The following NOX5 variants were observed in gnomAD, a reference collection of about 807,000 sequenced individuals.
NOX5 encodes NADPH oxidase 5.
Under a neutral mutation model 85.7 loss-of-function variants are expected in NOX5, and 76 were observed. The observed-to-expected ratio is 0.89, with a 90% confidence interval of 0.74 to 1.07. The LOEUF is 1.07. Among genes scored for constraint, NOX5 ranks in the 50% least tolerant of loss-of-function variants. The probability of loss-of-function intolerance (pLI) is 0.00; values close to 1 mark genes in which losing one functional copy is unlikely to be tolerated. For missense variants in NOX5, 973 were observed against 999.5 expected, an observed-to-expected ratio of 0.97 and a Z score of 0.36; for synonymous variants, 405 against 401.4, an observed-to-expected ratio of 1.01 and a Z score of -0.11.
At chr15:69,014,861 C>A in intron 1 of NOX5, 76 bp downstream of exon 1, 1 of 1,068,314 alleles carries the variant, frequency 9.4e-7, no homozygotes, top group Non-Finnish European at 1.4e-6. Context: ...GTGGGATCTA[C>A]AAAAGGTAAC....
intron 2 of NOX5, 54 bp downstream of exon 2, chr15:69,026,705 C>T: frequency 1.2e-6 from 2 of 1,610,960 alleles, no homozygotes; most frequent in Admixed American, 3.3e-5. Context: ...TGGCCTGGTT[C>T]TCAGGGCATA....
Position 69,047,883 on chromosome 15 carries a change from G to T in NOX5, c.1871G>T (p.Gly624Val). The change falls in exon 13 of 16, where the codon GGT (glycine) becomes GTT (valine). Residue 624 changes from glycine to valine, a missense_variant. By Grantham distance (109) the Gly-to-Val change is moderately radical (BLOSUM62 -3). Transcript: ENST00000388866. ...CPSCQHSWIE[G>V]VQDNMKLHKV... ...AGCTGCCAGCACTCCTGGATCGAAG[G>T]TGTCCAAGACAACATGAAGCTCCAT... 6.2e-7 allele frequency: 1 copy of T among 1,614,146 alleles called. No individual in the cohort carries two copies.
chr15:69,038,509 C>T (rs1000626477), intron 8 of NOX5: 33 of 352,664 alleles, frequency 9.4e-5, no homozygotes, highest in African/African-American at 6.7e-4. Flanking sequence ...GCTAGCCACA[C>T]TCTGGCTGAA....
At chr15:69,047,080 T>A in intron 11 of NOX5, 1 of 597,238 alleles carries the variant, frequency 1.7e-6, no homozygotes, top group Non-Finnish European at 3.0e-6. Context: ...GCCTGTCTCT[T>A]CACCAGGAGC....
intron 6 of NOX5, 52 bp downstream of exon 6, chr15:69,035,559 G>T (rs750067279): frequency 5.0e-6 from 8 of 1,601,974 alleles, no homozygotes; most frequent in Non-Finnish European, 6.0e-6. Context: ...GCAGCCTCAA[G>T]CCCAGAATGC....
At chr15:69,045,828 G>A (rs2140275137) in intron 10 of NOX5, 1 of 152,252 alleles carries the variant, frequency 6.6e-6, no homozygotes, top group African/African-American at 2.4e-5. Flanking sequence ...AAAATTAAAA[G>A]GAGAAGAGCT....
chr15:69,033,071 C>T lies in NOX5; in HGVS notation c.649C>T (p.Pro217Ser), dbSNP rs2050460464. ...SAAHWLTAPA[P>S]RPRPRRPRQL... ...TGCCCACTGGCTGACGGCCCCCGCC[C>T]CCCGCCCACGCCCGCGCCGGCCGCG... is the stretch of plus-strand genomic sequence containing the variant. The change falls in exon 5 of 16, where the codon CCC (proline) becomes TCC (serine). Residue 217 changes from proline to serine, a missense_variant. Transcript: ENST00000388866. 2 of 1,558,402 alleles carry T rather than the reference C, an allele frequency of 1.3e-6. No individual in the cohort carries two copies. The highest frequency in any genetic ancestry group is 1.7e-6 in the Non-Finnish European group (2 of 1,164,902).
rs1285022319 is a variant in NOX5, at chr15:69,061,630, AG to A, written c.*4939del. 6.6e-6 allele frequency: 1 copy of A among 152,244 alleles called. No homozygotes were observed. The highest frequency in any genetic ancestry group is 1.5e-5 in the Non-Finnish European group (1 of 68,042). The allele number at this position is 152,244 out of a possible 1,614,324, so 9.4% of individuals were successfully genotyped here. A position where few individuals can be genotyped will look rare whatever the true frequency, so the allele number is the denominator to read the frequency against. ...TTTATTTTATGAGGAAATTCATCCC[AG>A]GGGGAAAAATACTCAACCTGAATGG... On this transcript the variant is annotated 3_prime_UTR_variant, in exon 16 of 16. Transcript: ENST00000388866.
rs980322880 is a variant in NOX5, at chr15:69,026,740, C to T, written c.174+89C>T. 34 of 1,577,274 alleles carry T rather than the reference C, an allele frequency of 2.2e-5. No homozygotes were observed. In the Admixed American group the frequency reaches 3.1e-4, roughly 14 times the overall value. ...AGCCCTTACAGGGAGGGAAAGGGAA[C>T]TCCCTGGGGTTCCTGAGGTCTCCAC... On this transcript the variant is annotated intron_variant, in intron 2 of 15. Coordinates refer to ENST00000388866, the MANE Select transcript of NOX5 (RefSeq NM_024505.4).
rs2050461236 is a variant in NOX5, at chr15:69,033,087, GC to G, written c.667del (p.Arg223GlyfsTer5). ...LTAPAPRPRP[R>X]RPRQLTRAYW... ...GCCCCCGCCCCCCGCCCACGCCCGC[GC>G]CGGCCGCGCCAGCTGACCCGCGCCT... On this transcript the variant is annotated frameshift_variant, in exon 5 of 16. Coordinates refer to ENST00000388866, the MANE Select transcript of NOX5 (RefSeq NM_024505.4). LOFTEE classifies it high-confidence loss of function. 1 of 1,550,198 alleles carries G rather than the reference GC, an allele frequency of 6.5e-7. No individual in the cohort carries two copies. Among genetic ancestry groups the G allele is most frequent in the Non-Finnish European group, 8.6e-7 (1 of 1,156,898 alleles).
Position 69,031,579 on chromosome 15 carries a change from G to C in NOX5, c.387G>C (p.Trp129Cys). Reference protein sequence around the residue: ...TEWGAGAGPHWASSPLGTGSG... With the variant: ...TEWGAGAGPHCASSPLGTGSG... ...GGGGTGCTGGGGCAGGCCCGCACTGGGCTTCATCCCCACTCGGGACAGGCA... is the reference window on the plus strand; with the variant it reads ...GGGGTGCTGGGGCAGGCCCGCACTGCGCTTCATCCCCACTCGGGACAGGCA... Residue 129 changes from tryptophan (W) to cysteine (C), a missense_variant, in exon 4 of 16, where the codon TGG becomes TGC. By Grantham distance (215) the Trp-to-Cys change is radical (BLOSUM62 -2). Coordinates refer to ENST00000388866, the MANE Select transcript of NOX5 (RefSeq NM_024505.4). The C allele has an allele frequency of 6.2e-7, 1 of 1,612,894 alleles. No individual in the cohort carries two copies. The highest frequency in any genetic ancestry group is 1.1e-5 in the South Asian group (1 of 91,080).
At position 69,060,369 on chromosome 15, in the gene NOX5, T is replaced by C. The variant is rs913161058; in HGVS notation, c.*3673T>C. ...ACACAGTGGACAAACCTTTGCCCTC[T>C]GGGAGGCAGGGCACTGAGTCCTACA... On this transcript the variant is annotated 3_prime_UTR_variant, in exon 16 of 16. Coordinates refer to ENST00000388866, the MANE Select transcript of NOX5 (RefSeq NM_024505.4). The C allele has an allele frequency of 2.0e-5, 3 of 152,216 alleles. No individual in the cohort carries two copies. Among genetic ancestry groups the C allele is most frequent in the African/African-American group, 7.2e-5 (3 of 41,452 alleles). The allele number at this position is 152,216 out of a possible 1,614,324, so 9.4% of individuals were successfully genotyped here. A position where few individuals can be genotyped will look rare whatever the true frequency, so the allele number is the denominator to read the frequency against.
chr15:69,048,060 A>G, intron 13 of NOX5, 149 bp downstream of exon 13: 1 of 664,210 alleles, frequency 1.5e-6, no homozygotes, highest in Non-Finnish European at 2.6e-6. Flanking sequence ...AATTCTCTTA[A>G]ATGAGTTATC....
chr15:69,049,553 C>T (rs1272380565), intron 14 of NOX5, among the ~76,000 whole-genome samples: 1 of 152,106 alleles, frequency 6.6e-6, no homozygotes, highest in Non-Finnish European at 1.5e-5. Context: ...CCAGGCTATC[C>T]AGATGACATC....
intron 2 of NOX5, among the ~76,000 whole-genome samples, chr15:69,026,907 A>G (rs2050365281): frequency 1.3e-5 from 2 of 152,190 alleles, no homozygotes; most frequent in Admixed American, 1.3e-4. Context: ...AATTTCCACT[A>G]GGCTCATGGG....
At chr15:69,020,330 G>A (rs1490252285) in intron 1 of NOX5, among the ~76,000 whole-genome samples, 2 of 152,008 alleles carry the variant, frequency 1.3e-5, no homozygotes, top group African/African-American at 4.8e-5. Flanking sequence ...TTTCCTTAAT[G>A]TTTTTGGGAT....
In NOX5 at chr15:69,028,329, A is replaced by G; in HGVS notation, c.289A>G (p.Lys97Glu). 6.2e-7 allele frequency: 1 copy of G among 1,611,860 alleles called. No individual in the cohort carries two copies. Among genetic ancestry groups the G allele is most frequent in the Non-Finnish European group, 8.5e-7 (1 of 1,178,828 alleles). Reference sequence around the variant, plus strand: ...GCTCATCCATGGCAGCCCCATGGACAAACTCAAATTCCTCTTCCAGGTGTA... The same window carrying G: ...GCTCATCCATGGCAGCCCCATGGACGAACTCAAATTCCTCTTCCAGGTGTA... ...TLLIHGSPMD[K>E]LKFLFQVYDI... is the part of the protein sequence containing the mutation. The change falls in exon 3 of 16, where the codon AAA becomes GAA. Residue 97 changes from lysine to glutamate, a missense_variant. By Grantham distance (56) the Lys-to-Glu change is moderately conservative. Coordinates refer to ENST00000388866, the MANE Select transcript of NOX5 (RefSeq NM_024505.4).
intron 1 of NOX5, chr15:69,022,962 T>C: frequency 1.9e-6 from 1 of 513,224 alleles, no homozygotes; most frequent in Non-Finnish European, 4.0e-6. Context: ...GCCTTGGTAT[T>C]CCATCTTCAA....
chr15:69,035,206 A>T (rs773304938), intron 5 of NOX5, 148 bp from the exon 6 acceptor site: 1 of 770,384 alleles, frequency 1.3e-6, no homozygotes, highest in Middle Eastern at 3.6e-4. Flanking sequence ...GAATCCAGGG[A>T]AGCAACAAGG....
Sources: allele counts gnomAD v4.1 joint callset (sites outside exome capture counted in the v4.1 genomes callset), GRCh38; gene constraint gnomAD v4.1.1; transcripts MANE v1.5; gene names NCBI Gene and HGNC (gene_info 2026-07-23, HGNC 2026-07-21).